ARHGAP18: variants seen among roughly 807,000 people sequenced by gnomAD.
The protein encoded by ARHGAP18 is rho GTPase-activating protein 18.
In ARHGAP18, 67 loss-of-function variants were observed where a neutral mutation model predicts 86.2. That is an observed-to-expected ratio of 0.78 (90% CI 0.64 to 0.95). The LOEUF is 0.95. Ranked by LOEUF, ARHGAP18 falls within the 40% of genes least tolerant of loss-of-function variation. The pLI is 0.00. For synonymous variants in ARHGAP18, 283 were observed against 280.4 expected, an observed-to-expected ratio of 1.01 and a Z score of -0.09; for missense variants, 691 against 780.4, an observed-to-expected ratio of 0.89 and a Z score of 1.37.
chr6:129,683,190 G>A (rs1272265711), intron 1 of ARHGAP18, among the ~76,000 whole-genome samples: 1 of 151,722 alleles, frequency 6.6e-6, no homozygotes, highest in Non-Finnish European at 1.5e-5. Context: ...TCCTGCCTCA[G>A]CCTCCCGAGT....
At chr6:129,698,992 T>A (rs1415449400) in intron 1 of ARHGAP18, among the ~76,000 whole-genome samples, 2 of 151,434 alleles carry the variant, frequency 1.3e-5, no homozygotes, top group Non-Finnish European at 2.9e-5. Context: ...ACGCCCGGCC[T>A]AAGGCCTGGC....
At chr6:129,622,857 C>A (rs778990737) in intron 5 of ARHGAP18, among the ~76,000 whole-genome samples, 1 of 151,614 alleles carries the variant, frequency 6.6e-6, no homozygotes, top group Admixed American at 6.6e-5. Flanking sequence ...AAAAACTAGC[C>A]GGGCGTGGTG....
At position 129,629,377 on chromosome 6, in the gene ARHGAP18, G is replaced by A. The variant is rs778674654; in HGVS notation, c.762C>T (p.Ser254=). ...KESSKEKIQK[S]KGDDATLPSF... ...CAGGTAATGTGGCATCATCGCCTTT[G>A]CTCTTCTGGATTTTCTCCTTGGAGC... The change falls in exon 5 of 15, where the codon AGC becomes AGT. Residue 254 remains serine, a synonymous_variant. Transcript: ENST00000368149. 3 of 1,613,488 alleles carry A rather than the reference G, an allele frequency of 1.9e-6. No individual in the cohort carries two copies. Among genetic ancestry groups the A allele is most frequent in the Non-Finnish European group, 1.7e-6 (2 of 1,179,894 alleles).
intron 12 of ARHGAP18, 53 bp from the exon 13 acceptor site, chr6:129,584,165 A>G: frequency 6.2e-7 from 1 of 1,609,010 alleles, no homozygotes; most frequent in East Asian, 2.2e-5. Context: ...GGAACGTGTA[A>G]CTCTACAATG....
chr6:129,657,412 G>T, intron 1 of ARHGAP18, among the ~76,000 whole-genome samples: 1 of 145,348 alleles, frequency 6.9e-6, no homozygotes, highest in African/African-American at 2.6e-5. Context: ...CACACTCATT[G>T]TCACCATTTT....
At chr6:129,674,967 T>C (rs1418292186) in intron 1 of ARHGAP18, among the ~76,000 whole-genome samples, 1 of 152,140 alleles carries the variant, frequency 6.6e-6, no homozygotes, top group East Asian at 1.9e-4. Flanking sequence ...TTTGACAAAA[T>C]TGCTAAAGAG....
At chr6:129,591,559 A>T (rs945500548) in intron 12 of ARHGAP18, among the ~76,000 whole-genome samples, 2 of 152,174 alleles carry the variant, frequency 1.3e-5, no homozygotes, top group Non-Finnish European at 2.9e-5. Context: ...TGAAGTTTAT[A>T]TTTCTAAACC....
intron 1 of ARHGAP18, among the ~76,000 whole-genome samples, chr6:129,657,652 T>A (rs768382833): frequency 2.0e-5 from 3 of 152,186 alleles, no homozygotes; most frequent in Non-Finnish European, 4.4e-5. Context: ...GGAAGGCCAT[T>A]CACTTCCACT....
intron 1 of ARHGAP18, among the ~76,000 whole-genome samples, chr6:129,709,472 A>G (rs868151272): frequency 1.1e-4 from 17 of 152,212 alleles, no homozygotes; most frequent in Middle Eastern, 3.4e-3. Flanking sequence ...AGCCTGGGGG[A>G]AAAAAAATCC....
intron 2 of ARHGAP18, among the ~76,000 whole-genome samples, chr6:129,639,772 T>G (rs562176255): frequency 5.5e-4 from 84 of 152,212 alleles, no homozygotes; most frequent in Admixed American, 2.7e-3. Context: ...AGGCCGGGCA[T>G]GGTGGCTCAG....
At chr6:129,599,030 C>A in intron 12 of ARHGAP18, 186 bp downstream of exon 12, 1 of 442,002 alleles carries the variant, frequency 2.3e-6, no homozygotes, top group South Asian at 4.6e-5. Context: ...CAACACCTGA[C>A]CAACTGTCAA....
chr6:129,585,578 G>A (rs1002378680), intron 12 of ARHGAP18, among the ~76,000 whole-genome samples: 3 of 152,160 alleles, frequency 2.0e-5, no homozygotes, highest in African/African-American at 7.2e-5. Flanking sequence ...GTATCACAAA[G>A]GACCTGACCA....
chr6:129,708,770 T>C (rs1281771639), intron 1 of ARHGAP18, among the ~76,000 whole-genome samples: 2 of 152,220 alleles, frequency 1.3e-5, no homozygotes, highest in Admixed American at 1.3e-4. Context: ...TACTGCTTAA[T>C]GATTACTAAT....
chr6:129,656,861 T>G (rs753685629), intron 1 of ARHGAP18, among the ~76,000 whole-genome samples: 1 of 152,166 alleles, frequency 6.6e-6, no homozygotes, highest in African/African-American at 2.4e-5. Context: ...TTTATATTAA[T>G]CCCCTCCTGG....
intron 10 of ARHGAP18, among the ~76,000 whole-genome samples, chr6:129,601,174 A>T (rs1308114387): frequency 6.6e-6 from 1 of 152,244 alleles, no homozygotes; most frequent in Admixed American, 6.5e-5. Context: ...AATGTAAAAC[A>T]TCATACAAAC....
chr6:129,705,141 C>T (rs1774782765), intron 1 of ARHGAP18, among the ~76,000 whole-genome samples: 1 of 152,208 alleles, frequency 6.6e-6, no homozygotes. Flanking sequence ...TATTTCCCCC[C>T]ATTACAACCC....
chr6:129,646,368 G>C (rs6930380), intron 1 of ARHGAP18, among the ~76,000 whole-genome samples: 2,105 of 152,206 alleles, frequency 0.014, 43 homozygotes, highest in African/African-American at 0.048. Flanking sequence ...AGGTAAATTT[G>C]TGCTGTACTA....
chr6:129,577,964 T>G lies in ARHGAP18; in HGVS notation c.*549A>C, dbSNP rs547939834. On this transcript the variant is annotated 3_prime_UTR_variant, in exon 15 of 15. Coordinates refer to ENST00000368149, the MANE Select transcript of ARHGAP18 (RefSeq NM_033515.3). Reference sequence around the variant, plus strand: ...AGCAGGAAAAGGTGGAATGTTATTATTTGAGCAAATGATTCAAAGAGATGA... The same window carrying G: ...AGCAGGAAAAGGTGGAATGTTATTAGTTGAGCAAATGATTCAAAGAGATGA... 6.6e-6 allele frequency: 1 copy of G among 152,304 alleles called. No individual in the cohort carries two copies. The highest frequency in any genetic ancestry group is 1.9e-4 in the East Asian group (1 of 5,190). 9.4% of individuals were successfully genotyped at this position (152,304 alleles called of 1,614,324 possible).
intron 10 of ARHGAP18, among the ~76,000 whole-genome samples, chr6:129,604,476 A>G (rs1584038248): frequency 1.3e-5 from 2 of 152,274 alleles, no homozygotes; most frequent in Middle Eastern, 3.4e-3. Context: ...CACACTGGGC[A>G]TTGATAGGGT....
Sources: allele counts gnomAD v4.1 joint callset (sites outside exome capture counted in the v4.1 genomes callset), GRCh38; gene constraint gnomAD v4.1.1; transcripts MANE v1.5; gene names NCBI Gene and HGNC (gene_info 2026-07-23, HGNC 2026-07-21).